The following SLC22A3 variants were observed in gnomAD, a reference collection of about 807,000 sequenced individuals.
The protein encoded by SLC22A3 is solute carrier family 22 member 3.
Under a neutral mutation model 59.1 loss-of-function variants are expected in SLC22A3, and 51 were observed. The observed-to-expected ratio is 0.86, with a 90% CI of 0.69 to 1.09. SLC22A3 has a LOEUF of 1.09. Ranked by LOEUF, SLC22A3 falls within the 50% of genes least tolerant of loss-of-function variation. The pLI is 0.00. For synonymous variants in SLC22A3, 325 were observed against 292.0 expected, an observed-to-expected ratio of 1.11 and a Z score of -1.15; for missense variants, 711 against 726.3, an observed-to-expected ratio of 0.98 and a Z score of 0.24.
intron 1 of SLC22A3, among the ~76,000 whole-genome samples, chr6:160,354,027 T>C (rs1226936240): frequency 6.6e-6 from 1 of 152,164 alleles, no homozygotes; most frequent in Non-Finnish European, 1.5e-5. Context: ...TGGAATTAAC[T>C]GGGGAGCGGG....
chr6:160,407,050 G>A lies in SLC22A3; in HGVS notation c.543G>A (p.Arg181=). The part of the protein sequence containing the change: ...TLGYAADRYG[R]IVIYLLSCLG... ...TGTCTTTCTCAAAAAGGTATGGCAGGATCGTCATTTACTTGCTATCCTGCC... is the reference window on the plus strand; with the variant it reads ...TGTCTTTCTCAAAAAGGTATGGCAGAATCGTCATTTACTTGCTATCCTGCC... The change falls in exon 3 of 11, where the codon AGG becomes AGA. Residue 181 remains arginine, a synonymous_variant. Coordinates refer to ENST00000275300, the MANE Select transcript of SLC22A3 (RefSeq NM_021977.4). The A allele has an allele frequency of 1.9e-6, 3 of 1,613,190 alleles. No homozygotes were observed. The highest frequency in any genetic ancestry group is 4.5e-5 in the East Asian group (2 of 44,878).
chr6:160,425,731 T>C (rs1304995008), intron 5 of SLC22A3: 2 of 760,436 alleles, frequency 2.6e-6, no homozygotes, highest in South Asian at 1.2e-4. Context: ...CATTGAAATC[T>C]AGGTAAGGTA....
At chr6:160,393,601 C>G (rs1786351318) in intron 1 of SLC22A3, among the ~76,000 whole-genome samples, 1 of 152,010 alleles carries the variant, frequency 6.6e-6, no homozygotes, top group South Asian at 2.1e-4. Flanking sequence ...CATCCATGTC[C>G]CTACAAAGAA....
At chr6:160,375,444 G>GCC (rs1190237829) in intron 1 of SLC22A3, among the ~76,000 whole-genome samples, 1 of 151,336 alleles carries the variant, frequency 6.6e-6, no homozygotes, top group African/African-American at 2.4e-5. Flanking sequence ...ACATTTCCTA[G>GCC]CCCCCCCACC....
intron 1 of SLC22A3, among the ~76,000 whole-genome samples, chr6:160,381,055 G>A (rs527635028): frequency 8.9e-4 from 135 of 152,286 alleles, no homozygotes; most frequent in Non-Finnish European, 1.4e-3. Flanking sequence ...GACACAATGA[G>A]AAAGGCCTTG....
chr6:160,400,470 G>C (rs900213620), intron 2 of SLC22A3, among the ~76,000 whole-genome samples: 1 of 152,046 alleles, frequency 6.6e-6, no homozygotes, highest in Admixed American at 6.6e-5. Context: ...AAGCATTTGT[G>C]AAGTTCACCG....
intron 1 of SLC22A3, among the ~76,000 whole-genome samples, chr6:160,393,381 T>C (rs1786340131): frequency 6.6e-6 from 1 of 152,006 alleles, no homozygotes; most frequent in Non-Finnish European, 1.5e-5. Context: ...GTTGGTGTGC[T>C]GCACCCATTA....
rs147207433 is a variant in SLC22A3 at position 160,374,675 on chromosome 6, C to A, written c.430-23304C>A. Among the ~76,000 whole-genome samples the A allele has an allele frequency of 4.6e-3, 705 of 152,220 alleles. 3 individuals carry two copies. Among genetic ancestry groups the A allele is most frequent in the African/African-American group, 0.016 (680 of 41,532 alleles). ...GGCCCCTGGCTTTGGAGATGGGGGG[C>A]ATTTCCCTTGACTCCCACCTCCTCA... is the stretch of plus-strand genomic sequence containing the variant. On this transcript the variant is annotated intron_variant, in intron 1 of 10. Transcript: ENST00000275300.
intron 5 of SLC22A3, among the ~76,000 whole-genome samples, chr6:160,411,247 T>C (rs890049636): frequency 3.3e-5 from 5 of 152,196 alleles, no homozygotes; most frequent in Non-Finnish European, 7.3e-5. Flanking sequence ...TGTAAAACTT[T>C]TTTTGACTTT....
intron 5 of SLC22A3, among the ~76,000 whole-genome samples, chr6:160,432,355 G>A (rs1788180708): frequency 6.6e-6 from 1 of 152,116 alleles, no homozygotes; most frequent in African/African-American, 2.4e-5. Context: ...GTCAACAATC[G>A]GGTACGCTGT....
At chr6:160,398,158 T>A in intron 2 of SLC22A3, 76 bp downstream of exon 2, 2 of 1,086,568 alleles carry the variant, frequency 1.8e-6, no homozygotes, top group Non-Finnish European at 2.8e-6. Flanking sequence ...TGTTTTATGT[T>A]AACTATTAAA....
intron 5 of SLC22A3, among the ~76,000 whole-genome samples, chr6:160,418,615 T>C (rs1787605087): frequency 6.6e-6 from 1 of 152,222 alleles, no homozygotes; most frequent in African/African-American, 2.4e-5. Flanking sequence ...ACTGTCACTG[T>C]ACTGACCTGG....
intron 1 of SLC22A3, among the ~76,000 whole-genome samples, chr6:160,363,557 T>C (rs1057418574): frequency 1.3e-5 from 2 of 152,136 alleles, no homozygotes; most frequent in Non-Finnish European, 2.9e-5. Flanking sequence ...GGGGCTGGGT[T>C]GGGGTTTTCC....
At chr6:160,434,389 A>C (rs1405197446) in intron 5 of SLC22A3, among the ~76,000 whole-genome samples, 2 of 152,226 alleles carry the variant, frequency 1.3e-5, no homozygotes, top group African/African-American at 4.8e-5. Flanking sequence ...GGCTCCACCA[A>C]TCAGTTGCCT....
intron 1 of SLC22A3, among the ~76,000 whole-genome samples, chr6:160,389,743 A>G (rs1786174395): frequency 6.6e-6 from 1 of 152,126 alleles, no homozygotes; most frequent in African/African-American, 2.4e-5. Context: ...CTTCTCTCTT[A>G]GTGGAAGGGA....
At chr6:160,379,659 T>G (rs1785724853) in intron 1 of SLC22A3, among the ~76,000 whole-genome samples, 1 of 152,226 alleles carries the variant, frequency 6.6e-6, no homozygotes, top group African/African-American at 2.4e-5. Flanking sequence ...CCAGTCACCA[T>G]GGATTATTGC....
rs762499642 is a variant in SLC22A3 at position 160,348,536 on chromosome 6, G to A, written c.117G>A (p.Val39=). The change falls in exon 1 of 11, where the codon GTG becomes GTA. Residue 39 remains valine (V), a synonymous_variant. Coordinates refer to ENST00000275300, the MANE Select transcript of SLC22A3 (RefSeq NM_021977.4). ...CCTTCGCCTTCCTCTTCGTCGGCGT[G>A]GTCTTCCTGGGCACGCAGCCCGACC... ...GVTFAFLFVG[V]VFLGTQPDHY... is the part of the protein sequence containing the mutation. The A allele has an allele frequency of 6.4e-7, 1 of 1,561,202 alleles. No homozygotes were observed. Among genetic ancestry groups the A allele is most frequent in the Non-Finnish European group, 8.6e-7 (1 of 1,162,520 alleles).
intron 4 of SLC22A3, among the ~76,000 whole-genome samples, chr6:160,409,667 T>A (rs1241771154): frequency 6.6e-6 from 1 of 152,194 alleles, no homozygotes; most frequent in African/African-American, 2.4e-5. Context: ...CTAAAATGGC[T>A]ACATGCTTTG....
chr6:160,451,044 C>CAGTT lies in SLC22A3; in HGVS notation c.1659_1660insAGTT (p.His555PhefsTer46). The CAGTT allele has an allele frequency of 1.9e-6, 3 of 1,593,840 alleles. No individual in the cohort carries two copies. The South Asian group carries it at 3.4e-5, about 18-fold the overall frequency. On this transcript the variant is annotated frameshift_variant, in exon 11 of 11. Coordinates refer to ENST00000275300, the MANE Select transcript of SLC22A3 (RefSeq NM_021977.4). LOFTEE classifies it high-confidence loss of function. ...GGAATAAGAAAACCCCAGTTTCCCG[C>CAGTT]TCTCACCTTTGAGGCCCCCGACAAA...
Sources: allele counts gnomAD v4.1 joint callset (sites outside exome capture counted in the v4.1 genomes callset), GRCh38; gene constraint gnomAD v4.1.1; transcripts MANE v1.5; gene names NCBI Gene and HGNC (gene_info 2026-07-23, HGNC 2026-07-21).